PRKN: variants seen among roughly 807,000 people sequenced by gnomAD.
PRKN encodes E3 ubiquitin-protein ligase parkin.
Under a neutral mutation model 59.5 loss-of-function variants are expected in PRKN, and 56 were observed. The ratio of observed to expected loss-of-function variants is 0.94; its 90% CI spans 0.76 to 1.18. The LOEUF (loss-of-function observed/expected upper bound fraction) is 1.18. PRKN is among the 50% of genes most tolerant of loss of function. The pLI is 0.00. For synonymous variants in PRKN, 250 were observed against 222.1 expected, an observed-to-expected ratio of 1.13 and a Z score of -1.12; for missense variants, 657 against 596.4, an observed-to-expected ratio of 1.10 and a Z score of -1.06.
chr6:161,598,340 T>G (rs950058255), intron 7 of PRKN, among the ~76,000 whole-genome samples: 1 of 152,150 alleles, frequency 6.6e-6, no homozygotes. Flanking sequence ...TTGAGAAACA[T>G]TCAATTGTAT....
At chr6:161,742,383 G>A (rs1788226748) in intron 7 of PRKN, among the ~76,000 whole-genome samples, 1 of 152,196 alleles carries the variant, frequency 6.6e-6, no homozygotes, top group Admixed American at 6.5e-5. Flanking sequence ...CCAGCCATGT[G>A]GAACGGTGAG....
rs1401339190 is a variant in PRKN, at chr6:161,592,499, A to G, written c.872-23083T>C. Reference sequence around the variant, plus strand: ...GCCTATATTCCTTCTACAAATATATATGGCACAAAATCCAAATGCCAGGAA... The same window carrying G: ...GCCTATATTCCTTCTACAAATATATGTGGCACAAAATCCAAATGCCAGGAA... On this transcript the variant is annotated intron_variant, in intron 7 of 11. Coordinates refer to ENST00000366898, the MANE Select transcript of PRKN (RefSeq NM_004562.3). This position sits in a 1 kb window ranked among gnomAD's most constrained non-coding sequence, Gnocchi z 4.8. Among the ~76,000 whole-genome samples the G allele has an allele frequency of 6.6e-6, 1 of 152,190 alleles. No homozygotes were observed. Among genetic ancestry groups the G allele is most frequent in the Non-Finnish European group, 1.5e-5 (1 of 68,038 alleles).
chr6:161,972,839 C>A (rs1780875060), intron 6 of PRKN, among the ~76,000 whole-genome samples: 1 of 152,148 alleles, frequency 6.6e-6, no homozygotes, highest in Non-Finnish European at 1.5e-5. Flanking sequence ...CAAGACCAGC[C>A]TGGCCAACAT....
chr6:162,457,303 T>C (rs1790925563), intron 1 of PRKN, among the ~76,000 whole-genome samples: 1 of 152,124 alleles, frequency 6.6e-6, no homozygotes, highest in Non-Finnish European at 1.5e-5. Context: ...TTCAGACTAT[T>C]AAAAATCATC....
chr6:162,643,397 C>CTAA (rs1778038648), intron 1 of PRKN, among the ~76,000 whole-genome samples: 1 of 82,492 alleles, frequency 1.2e-5, no homozygotes. Context: ...GACTCTGCCT[C>CTAA]AAAAAAAAAA....
rs113777553 is a variant in PRKN at position 162,252,621 on chromosome 6, CT to C, written c.412+9903del. On this transcript the variant is annotated intron_variant, in intron 3 of 11. Transcript: ENST00000366898. ...GAAGATGCCCTGGAGAGCTGCTGTGCTCCCTCCACCATGAGAGGGCACGGCT... is the reference window on the plus strand; with the variant it reads ...GAAGATGCCCTGGAGAGCTGCTGTGCCCCTCCACCATGAGAGGGCACGGCT... 1.8e-3 allele frequency among the ~76,000 whole-genome samples: 273 copies of C among 152,336 alleles called. 1 individual carries two copies. Among genetic ancestry groups the C allele is most frequent in the African/African-American group, 6.2e-3 (256 of 41,580 alleles).
At chr6:161,788,682 T>C (rs1790521555) in intron 6 of PRKN, among the ~76,000 whole-genome samples, 1 of 144,486 alleles carries the variant, frequency 6.9e-6, no homozygotes, top group Non-Finnish European at 1.5e-5. Context: ...CAGAGACTCA[T>C]GTAACTCCCT....
rs7760173 is a variant in PRKN at position 162,236,021 on chromosome 6, G to C, written c.412+26504C>G. Among the ~76,000 whole-genome samples, 950 of 147,868 alleles carry C rather than the reference G, an allele frequency of 6.4e-3. 7 individuals are homozygous for C. The highest frequency in any genetic ancestry group is 0.021 in the African/African-American group (827 of 39,490). On this transcript the variant is annotated intron_variant, in intron 3 of 11. Transcript: ENST00000366898. Reference sequence around the variant, plus strand: ...AGAAAGAAAGAAAGAAAGAAAGAAAGAAACTCCTCACCCTTCAGTGTGATC... The same window carrying C: ...AGAAAGAAAGAAAGAAAGAAAGAAACAAACTCCTCACCCTTCAGTGTGATC...
At chr6:162,125,496 T>C (rs1030127934) in intron 4 of PRKN, among the ~76,000 whole-genome samples, 1 of 152,154 alleles carries the variant, frequency 6.6e-6, no homozygotes, top group Non-Finnish European at 1.5e-5. Context: ...CATAAAACAC[T>C]GTTTCAGTTT....
chr6:161,402,129 C>T lies in PRKN; in HGVS notation c.1084-15252G>A, dbSNP rs1410057220. Among the ~76,000 whole-genome samples the T allele has an allele frequency of 6.6e-6, 1 of 152,084 alleles. No homozygotes were observed. Among genetic ancestry groups the T allele is most frequent in the South Asian group, 2.1e-4 (1 of 4,806 alleles). The stretch of plus-strand genomic sequence containing the variant: ...GACAGTCTCAGTGGCAGGCCAGGCT[C>T]TAAAGGCTCCTCTGGATGCCTGTTG... On this transcript the variant is annotated intron_variant, in intron 9 of 11. Coordinates refer to ENST00000366898, the MANE Select transcript of PRKN (RefSeq NM_004562.3). The surrounding 1 kb of genome is among the most constrained non-coding windows in gnomAD (Gnocchi z 4.5).
intron 1 of PRKN, among the ~76,000 whole-genome samples, chr6:162,538,027 T>C (rs1389154067): frequency 6.6e-6 from 1 of 152,218 alleles, no homozygotes; most frequent in South Asian, 2.1e-4. Flanking sequence ...AATATAGTCA[T>C]CTTCTCAACT....
At chr6:162,644,175 T>G (rs1355687948) in intron 1 of PRKN, among the ~76,000 whole-genome samples, 3 of 152,066 alleles carry the variant, frequency 2.0e-5, no homozygotes, top group Non-Finnish European at 4.4e-5. Context: ...CTTGCCTATC[T>G]TTCTAGTTCC....
At chr6:162,288,892 C>T (rs73598157) in intron 2 of PRKN, among the ~76,000 whole-genome samples, 1,932 of 152,296 alleles carry the variant, frequency 0.013, 44 homozygotes, top group African/African-American at 0.044. Context: ...TTTGATCAAA[C>T]GGGCTCTTGA....
chr6:162,535,086 T>C (rs1009770320), intron 1 of PRKN, among the ~76,000 whole-genome samples: 2 of 150,596 alleles, frequency 1.3e-5, no homozygotes, highest in African/African-American at 4.9e-5. Flanking sequence ...TCTTAACAGG[T>C]GCTGGCTAAA....
At chr6:161,524,297 A>G (rs1778941520) in intron 9 of PRKN, among the ~76,000 whole-genome samples, 1 of 151,226 alleles carries the variant, frequency 6.6e-6, no homozygotes, top group South Asian at 2.1e-4. Context: ...TCCCAAATAG[A>G]AAAAAATTGT....
In PRKN at chr6:162,328,593, C is replaced by A. The variant is rs187374128; in HGVS notation, c.172-65828G>T. ...ACCGGTAAATAAAGGGCCGTGCAGACGTATCTTATAAGTGCTGAGCTAGCA... is the reference window on the plus strand; with the variant it reads ...ACCGGTAAATAAAGGGCCGTGCAGAAGTATCTTATAAGTGCTGAGCTAGCA... On this transcript the variant is annotated intron_variant, in intron 2 of 11. Transcript: ENST00000366898. Among the ~76,000 whole-genome samples, 3 of 152,154 alleles carry A rather than the reference C, an allele frequency of 2.0e-5. No individual in the cohort carries two copies. The South Asian group carries it at 6.2e-4, about 31-fold the overall frequency.
At chr6:162,369,995 A>G (rs1785663113) in intron 2 of PRKN, among the ~76,000 whole-genome samples, 2 of 152,210 alleles carry the variant, frequency 1.3e-5, no homozygotes, top group Non-Finnish European at 2.9e-5. Context: ...GTCATCAAGA[A>G]TGAGTACACA....
intron 1 of PRKN, among the ~76,000 whole-genome samples, chr6:162,672,135 A>G (rs1032104950): frequency 1.5e-4 from 23 of 152,180 alleles, no homozygotes; most frequent in African/African-American, 5.5e-4. Context: ...TGGCAACATC[A>G]CTCCTATTGT....
chr6:161,623,553 T>C (rs967870198), intron 7 of PRKN, among the ~76,000 whole-genome samples: 2 of 152,224 alleles, frequency 1.3e-5, no homozygotes, highest in Non-Finnish European at 2.9e-5. Flanking sequence ...TTGAAAAGCT[T>C]ATCCAAATCA....
Sources: allele counts gnomAD v4.1 joint callset (sites outside exome capture counted in the v4.1 genomes callset), GRCh38; gene constraint gnomAD v4.1.1; non-coding constraint Gnocchi (gnomAD v3.1); transcripts MANE v1.5; gene names NCBI Gene and HGNC (gene_info 2026-07-23, HGNC 2026-07-21).